RWDD4: variants seen among roughly 807,000 people sequenced by gnomAD.
RWDD4 encodes RWD domain containing 4, also known as RWD domain-containing protein 4.
A neutral mutation model predicts 30.0 loss-of-function variants in RWDD4; 16 were observed. That is an observed-to-expected ratio of 0.53 (90% CI 0.36 to 0.81). The LOEUF is 0.81. RWDD4 is among the 30% of genes least tolerant of loss of function. RWDD4 has a pLI of 0.00. For missense variants in RWDD4, 170 were observed against 223.9 expected, an observed-to-expected ratio of 0.76 and a Z score of 1.54; for synonymous variants, 45 against 72.1, an observed-to-expected ratio of 0.62 and a Z score of 1.90.
chr4:183,651,510 G>A (rs1734076439), intron 2 of RWDD4, among the ~76,000 whole-genome samples, 183 bp from the exon 3 acceptor site: 1 of 152,192 alleles, frequency 6.6e-6, no homozygotes, highest in Admixed American at 6.5e-5. Flanking sequence ...AGGACAGTCT[G>A]ACTTTAATTT....
rs1247482089 is a variant in RWDD4 at position 183,659,063 on chromosome 4, G to C, written c.-111C>G. On this transcript the variant is annotated 5_prime_UTR_variant, in exon 1 of 8. Coordinates refer to ENST00000326397, the MANE Select transcript of RWDD4 (RefSeq NM_152682.4). ...CCCCCTTTCGCGCCTCGGCTGTGGGGGCGGCACAGTCTTGGCACTGGCAGA... is the reference window on the plus strand; with the variant it reads ...CCCCCTTTCGCGCCTCGGCTGTGGGCGCGGCACAGTCTTGGCACTGGCAGA... 6.5e-5 allele frequency: 54 copies of C among 834,798 alleles called. No homozygotes were observed. Among genetic ancestry groups the C allele is most frequent in the Non-Finnish European group, 8.5e-5 (53 of 625,900 alleles). The allele number at this position is 834,798 out of a possible 1,614,324, so 51.7% of individuals were successfully genotyped here. A position where few individuals can be genotyped will look rare whatever the true frequency, so the allele number is the denominator to read the frequency against.
At chr4:183,643,099 TAA>T (rs1228436105) in intron 7 of RWDD4, among the ~76,000 whole-genome samples, 7 of 97,358 alleles carry the variant, frequency 7.2e-5, no homozygotes, top group Non-Finnish European at 1.3e-4. Context: ...AATAAATAAA[TAA>T]ATAAAATAAA....
chr4:183,656,170 T>G, intron 1 of RWDD4: 1 of 479,156 alleles, frequency 2.1e-6, no homozygotes, highest in Non-Finnish European at 3.8e-6. Context: ...CAGGGACTAC[T>G]AAGCACTGTA....
chr4:183,656,379 A>G (rs1171718204), intron 1 of RWDD4, among the ~76,000 whole-genome samples: 1 of 152,230 alleles, frequency 6.6e-6, no homozygotes, highest in Non-Finnish European at 1.5e-5. Flanking sequence ...CTTTCCCATT[A>G]TTTACATACA....
chr4:183,648,311 T>C (rs937145294), intron 5 of RWDD4, among the ~76,000 whole-genome samples: 1 of 151,126 alleles, frequency 6.6e-6, no homozygotes, highest in Admixed American at 6.6e-5. Context: ...AAAGAGAAAC[T>C]TTTTAACCTG....
chr4:183,644,033 G>A (rs79078298), intron 7 of RWDD4, among the ~76,000 whole-genome samples: 5,753 of 152,250 alleles, frequency 0.038, 154 homozygotes, highest in South Asian at 0.1. Flanking sequence ...TATTATCAGG[G>A]ACTCTTAAAA....
In RWDD4 at chr4:183,642,340, CT is replaced by C. The variant is rs1332691886; in HGVS notation, c.535-873del. ...AAGTAGCTGGGACTACAGGCGCCCG[CT>C]ACCACGCCCGGCTAATTTTTTGTAT... On this transcript the variant is annotated intron_variant, in intron 7 of 7. Transcript: ENST00000326397. 1.6e-5 allele frequency among the ~76,000 whole-genome samples: 2 copies of C among 124,518 alleles called. 1 individual carries two copies. The highest frequency in any genetic ancestry group is 7.5e-5 in the African/African-American group (2 of 26,796). 81.7% of individuals were successfully genotyped at this position (124,518 alleles called of 152,430 possible).
intron 7 of RWDD4, among the ~76,000 whole-genome samples, chr4:183,642,350 C>T (rs1365059368): frequency 7.7e-6 from 1 of 130,312 alleles, no homozygotes; most frequent in Admixed American, 7.3e-5. Context: ...CTACCACGCC[C>T]GGCTAATTTT....
At chr4:183,648,241 G>GAAAA (rs68017212) in intron 5 of RWDD4, among the ~76,000 whole-genome samples, 3 of 104,382 alleles carry the variant, frequency 2.9e-5, no homozygotes, top group Non-Finnish European at 4.3e-5. Context: ...CGTCTCAAAA[G>GAAAA]AAAAAAGAAA....
Position 183,641,440 on chromosome 4 carries a change from T to A in RWDD4, c.563A>T (p.Glu188Val), listed in dbSNP as rs765739308. The change falls in exon 8 of 8, where the codon GAG (glutamate) becomes GTG (valine). Residue 188 changes from glutamate (E) to valine (V), a missense_variant. Physicochemically the swap from Glu to Val is moderately radical, Grantham distance 121 (BLOSUM62 -2). Transcript: ENST00000326397. ...HLSKTGSKDDE is the reference protein window; with the variant it reads ...HLSKTGSKDDV ...CCTTGTCTCAAATTCCAAGTGCTAC[T>A]CATCATCCTTAGAGCCAGTTTTGCT... The A allele has an allele frequency of 1.9e-6, 3 of 1,607,196 alleles. No individual in the cohort carries two copies. The highest frequency in any genetic ancestry group is 2.6e-6 in the Non-Finnish European group (3 of 1,175,224).
rs759832355 is a variant in RWDD4, at chr4:183,655,939, G to C, written c.47C>G (p.Ser16Cys). 4.3e-6 allele frequency: 7 copies of C among 1,610,926 alleles called. No individual in the cohort carries two copies. The highest frequency in any genetic ancestry group is 5.9e-6 in the Non-Finnish European group (7 of 1,177,502). The change falls in exon 2 of 8, where the codon TCT becomes TGT. Residue 16 changes from serine to cysteine, a missense_variant. By Grantham distance (112) the Ser-to-Cys change is moderately radical. Coordinates refer to ENST00000326397, the MANE Select transcript of RWDD4 (RefSeq NM_152682.4). ...GAAACTTTCATCTCCTTCATAAATA[G>C]AGCGTAATGCTTCTAGTTCCATCTG... ...DQEMELEALR[S>C]IYEGDESFRE...
chr4:183,643,873 G>A (rs576934040), intron 7 of RWDD4, among the ~76,000 whole-genome samples: 34 of 152,232 alleles, frequency 2.2e-4, no homozygotes, highest in African/African-American at 7.9e-4. Context: ...AGCCAAGATC[G>A]CACCACTGCA....
At chr4:183,644,298 G>A (rs2111230499) in intron 7 of RWDD4, among the ~76,000 whole-genome samples, 1 of 152,282 alleles carries the variant, frequency 6.6e-6, no homozygotes, top group South Asian at 2.1e-4. Flanking sequence ...ATGCCGGAGA[G>A]GCTTCACTCA....
intron 5 of RWDD4, among the ~76,000 whole-genome samples, chr4:183,648,785 C>T (rs1184198559): frequency 6.6e-6 from 1 of 152,092 alleles, no homozygotes; most frequent in East Asian, 1.9e-4. Flanking sequence ...TACTTTGCCA[C>T]TCGGTTACCT....
chr4:183,655,495 A>G (rs1034853109), intron 2 of RWDD4, among the ~76,000 whole-genome samples: 10 of 152,090 alleles, frequency 6.6e-5, no homozygotes, highest in Non-Finnish European at 1.3e-4. Flanking sequence ...CATGTTGGCC[A>G]GGATGGTCTC....
chr4:183,644,462 T>A (rs1262640476), intron 7 of RWDD4, among the ~76,000 whole-genome samples: 1 of 152,206 alleles, frequency 6.6e-6, no homozygotes, highest in Non-Finnish European at 1.5e-5. Flanking sequence ...AACAAACAGC[T>A]GGCTTTAAAA....
At chr4:183,652,011 T>C (rs560448971) in intron 2 of RWDD4, among the ~76,000 whole-genome samples, 5 of 152,352 alleles carry the variant, frequency 3.3e-5, no homozygotes, top group African/African-American at 7.2e-5. Flanking sequence ...CTCTCCACCA[T>C]AGAATCAACC....
chr4:183,656,080 C>G, intron 1 of RWDD4, 119 bp from the exon 2 acceptor site: 1 of 649,350 alleles, frequency 1.5e-6, no homozygotes. Context: ...CTTATATAAC[C>G]TTAGATACTT....
rs1733850526 is a variant in RWDD4 at position 183,641,314 on chromosome 4, GA to G, written c.*121del. 1 of 782,882 alleles carries G rather than the reference GA, an allele frequency of 1.3e-6. No homozygotes were observed. The highest frequency in any genetic ancestry group is 1.5e-5 in the South Asian group (1 of 66,910). 48.5% of individuals were successfully genotyped at this position (782,882 alleles called of 1,614,324 possible). ...TCAACTTACAACCTTTTTAATGTAAGAAACATACAAAAAATTGTGTTTTATA... is the reference window on the plus strand; with the variant it reads ...TCAACTTACAACCTTTTTAATGTAAGAACATACAAAAAATTGTGTTTTATA... On this transcript the variant is annotated 3_prime_UTR_variant, in exon 8 of 8. Transcript: ENST00000326397.
Sources: gnomAD v4.1 joint callset for allele counts (sites outside exome capture counted in the v4.1 genomes callset) on GRCh38, gnomAD v4.1.1 for gene constraint, MANE v1.5 for transcripts, NCBI Gene and HGNC (gene_info 2026-07-23, HGNC 2026-07-21) for gene names.